Variants in ADGRF3 observed in about 807,000 individuals in gnomAD.
The protein encoded by ADGRF3 is G protein-coupled receptor 113.
Under a neutral mutation model 93.2 loss-of-function variants are expected in ADGRF3, and 85 were observed. The ratio of observed to expected loss-of-function variants is 0.91; its 90% CI spans 0.77 to 1.09. The LOEUF (loss-of-function observed/expected upper bound fraction) is 1.09. Among genes scored for constraint, ADGRF3 ranks in the 50% least tolerant of loss-of-function variants. ADGRF3 has a pLI of 0.00. For missense variants in ADGRF3, 1,125 were observed against 1,246.2 expected (o/e 0.90, Z 1.46); for synonymous variants, 534 against 532.5 (o/e 1.00, Z -0.04).
In ADGRF3 at chr2:26,311,606, T is replaced by TC. The variant is rs764327410; in HGVS notation, c.1917dup (p.Asn640GlufsTer344). ...ACACAGTGAGGGGAACCATCTGTGTTCCCAAAGTCCATGATGACCTCTCCC... is the reference window on the plus strand; with the variant it reads ...ACACAGTGAGGGGAACCATCTGTGTTCCCCAAAGTCCATGATGACCTCTCCC... On this transcript the variant is annotated frameshift_variant, in exon 10 of 14. Coordinates refer to ENST00000651242, the MANE Select transcript of ADGRF3 (RefSeq NM_001321971.2). LOFTEE classifies it high-confidence loss of function. 6.2e-7 allele frequency: 1 copy of TC among 1,613,630 alleles called. No individual in the cohort carries two copies. Among genetic ancestry groups the TC allele is most frequent in the Non-Finnish European group, 8.5e-7 (1 of 1,179,864 alleles).
intron 1 of ADGRF3, among the ~76,000 whole-genome samples, chr2:26,345,262 G>T (rs149390909): frequency 1.9e-4 from 28 of 150,776 alleles, no homozygotes; most frequent in Non-Finnish European, 3.6e-4. Flanking sequence ...TTTATTAGTA[G>T]ATACTCACTA....
intron 1 of ADGRF3, among the ~76,000 whole-genome samples, chr2:26,332,709 C>A (rs1212903003): frequency 1.3e-5 from 2 of 152,164 alleles, no homozygotes; most frequent in East Asian, 1.9e-4. Context: ...CACTGGTCTC[C>A]AGCCTGGACA....
At position 26,308,461 on chromosome 2, in the gene ADGRF3, T is replaced by C. The variant is rs886803037; in HGVS notation, c.*625A>G. On this transcript the variant is annotated 3_prime_UTR_variant, in exon 14 of 14. Coordinates refer to ENST00000651242, the MANE Select transcript of ADGRF3 (RefSeq NM_001321971.2). Reference sequence around the variant, plus strand: ...ATTTATATTAAACTTTAAATTTTTATAACCTATTCTTACAACGTGCTCATA... The same window carrying C: ...ATTTATATTAAACTTTAAATTTTTACAACCTATTCTTACAACGTGCTCATA... 1 of 152,170 alleles carries C rather than the reference T, an allele frequency of 6.6e-6. No individual in the cohort carries two copies. The highest frequency in any genetic ancestry group is 6.5e-5 in the Admixed American group (1 of 15,290). 9.4% of individuals were successfully genotyped at this position (152,170 alleles called of 1,614,324 possible).
intron 1 of ADGRF3, among the ~76,000 whole-genome samples, chr2:26,319,589 T>TC (rs1558391019): frequency 1.3e-4 from 8 of 59,422 alleles, no homozygotes; most frequent in Admixed American, 3.9e-4. Context: ...CTTCCTTCCT[T>TC]CCTTCCTTCC....
Position 26,310,773 on chromosome 2 carries a change from G to T in ADGRF3, c.2751C>A (p.Thr917=). Reference sequence around the variant, plus strand: ...ACAGAGTGGCCAGGCCCAGCCCCCAGGTGAGGCCAAAGATGGGTGTAAGAA... The same window carrying T: ...ACAGAGTGGCCAGGCCCAGCCCCCATGTGAGGCCAAAGATGGGTGTAAGAA... The part of the protein sequence containing the change: ...LLILTPIFGL[T]WGLGLATLLE... The change falls in exon 10 of 14, where the codon ACC becomes ACA. Residue 917 remains threonine, a synonymous_variant. Transcript: ENST00000651242. 2 of 1,613,618 alleles carry T rather than the reference G, an allele frequency of 1.2e-6. No individual in the cohort carries two copies. The highest frequency in any genetic ancestry group is 1.7e-6 in the Non-Finnish European group (2 of 1,179,702).
rs763945965 is a variant in ADGRF3, at chr2:26,311,268, C to T, written c.2256G>A (p.Leu752=). Residue 752 remains leucine, a synonymous_variant, in exon 10 of 14, where the codon CTG becomes CTA. Transcript: ENST00000651242. ...CGCCCAGGAAGCAAGTGTCTGCGGC[C>T]AGCAAGCAGAACACCATGTTGAGCA... ...AALLNMVFCL[L]AADTCFLGAP... is the part of the protein sequence containing the mutation. 6.2e-7 allele frequency: 1 copy of T among 1,613,416 alleles called. No individual in the cohort carries two copies.
intron 1 of ADGRF3, among the ~76,000 whole-genome samples, chr2:26,321,238 C>A (rs867223936): frequency 8.5e-5 from 13 of 152,100 alleles, no homozygotes; most frequent in African/African-American, 3.1e-4. Context: ...GGAGCAATCG[C>A]TCTTGTAAAT....
rs1673999640 is a variant in ADGRF3, at chr2:26,310,698, G to A, written c.2826C>T (p.Thr942=). ...VPHYIFTILN[T]LQGVFILLFG... ...CCACCCCCCTATCACCTACCTGGAGGGTGTTGAGAATGGTGAAGATGTAAT... is the reference window on the plus strand; with the variant it reads ...CCACCCCCCTATCACCTACCTGGAGAGTGTTGAGAATGGTGAAGATGTAAT... The change falls in exon 10 of 14, where the codon ACC becomes ACT. Residue 942 remains threonine (T), a synonymous_variant. Transcript: ENST00000651242. The A allele has an allele frequency of 1.2e-6, 2 of 1,610,524 alleles. No individual in the cohort carries two copies. The highest frequency in any genetic ancestry group is 1.3e-5 in the African/African-American group (1 of 74,944).
rs943445033 is a variant in ADGRF3, at chr2:26,343,417, AGATCTTAGGATCAAAT to A, written c.114+2688_114+2703del. Among the ~76,000 whole-genome samples, 5 of 151,808 alleles carry A rather than the reference AGATCTTAGGATCAAAT, an allele frequency of 3.3e-5. No individual in the cohort carries two copies. In the East Asian group the frequency reaches 9.9e-4, roughly 30 times the overall value. The stretch of plus-strand genomic sequence containing the variant: ...CTAATAGGTTCTAATGGATCGAATT[AGATCTTAGGATCAAAT>A]GATCTTTTTTTTTTTTATTTTTTTG... On this transcript the variant is annotated intron_variant, in intron 1 of 13. Coordinates refer to ENST00000651242, the MANE Select transcript of ADGRF3 (RefSeq NM_001321971.2).
intron 1 of ADGRF3, chr2:26,318,042 G>T (rs1274690717): frequency 6.4e-7 from 1 of 1,551,592 alleles, no homozygotes; most frequent in African/African-American, 1.4e-5. Flanking sequence ...GAGGGTGGAG[G>T]TCTGGGCCCA....
intron 1 of ADGRF3, among the ~76,000 whole-genome samples, chr2:26,320,701 T>C (rs972097347): frequency 6.6e-6 from 1 of 152,148 alleles, no homozygotes; most frequent in Non-Finnish European, 1.5e-5. Context: ...GGCAGAATTG[T>C]TTGTGATAGC....
At chr2:26,333,946 G>T (rs1012393427) in intron 1 of ADGRF3, among the ~76,000 whole-genome samples, 1 of 151,430 alleles carries the variant, frequency 6.6e-6, no homozygotes, top group Non-Finnish European at 1.5e-5. Context: ...TCAGCCTCCT[G>T]AGTACTGGGA....
At chr2:26,333,552 A>G (rs1275191967) in intron 1 of ADGRF3, among the ~76,000 whole-genome samples, 1 of 150,598 alleles carries the variant, frequency 6.6e-6, no homozygotes, top group Non-Finnish European at 1.5e-5. Flanking sequence ...TACATTTTGA[A>G]GACTCCTAAA....
chr2:26,341,827 G>T (rs199635745), intron 1 of ADGRF3, among the ~76,000 whole-genome samples: 2 of 151,876 alleles, frequency 1.3e-5, no homozygotes, highest in South Asian at 2.1e-4. Flanking sequence ...TAATCCCAGC[G>T]CTTTGGGAGG....
chr2:26,338,673 G>T (rs888091624), intron 1 of ADGRF3, among the ~76,000 whole-genome samples: 9 of 152,066 alleles, frequency 5.9e-5, no homozygotes, highest in African/African-American at 2.2e-4. Context: ...TGTTGGCCAG[G>T]CTGGTCTCAA....
intron 1 of ADGRF3, among the ~76,000 whole-genome samples, chr2:26,344,602 A>T (rs1402718470): frequency 6.6e-6 from 1 of 152,236 alleles, no homozygotes; most frequent in Non-Finnish European, 1.5e-5. Context: ...AGATGCAAAT[A>T]CTGCCCTCGA....
chr2:26,313,065 G>C lies in ADGRF3; in HGVS notation c.1327C>G (p.Leu443Val). Residue 443 changes from leucine to valine, a missense_variant, in exon 9 of 14, where the codon CTG becomes GTG. By Grantham distance (32) the Leu-to-Val change is conservative. Coordinates refer to ENST00000651242, the MANE Select transcript of ADGRF3 (RefSeq NM_001321971.2). ...CTTGCCTCTGCCGCCTGCCCTGGCA[G>C]CTGTGCCAGGATCTGTGGCACCTCC... ...AEEVPQILAQ[L>V]PGQAAEASSP... is the part of the protein sequence containing the mutation. 1 of 1,614,044 alleles carries C rather than the reference G, an allele frequency of 6.2e-7. No individual in the cohort carries two copies.
chr2:26,312,131 G>A (rs546671211), intron 9 of ADGRF3, 57 bp from the exon 10 acceptor site: 71 of 1,510,552 alleles, frequency 4.7e-5, no homozygotes, highest in Admixed American at 1.4e-4. Context: ...GGACTGAGCC[G>A]GGGGCAATGA....
At chr2:26,322,602 G>T (rs1675214685) in intron 1 of ADGRF3, among the ~76,000 whole-genome samples, 1 of 152,146 alleles carries the variant, frequency 6.6e-6, no homozygotes. Flanking sequence ...TCTAGAAAAA[G>T]ACTGGAGGGA....
Sources: allele counts gnomAD v4.1 joint callset (sites outside exome capture counted in the v4.1 genomes callset), GRCh38; gene constraint gnomAD v4.1.1; transcripts MANE v1.5; gene names NCBI Gene and HGNC (gene_info 2026-07-23, HGNC 2026-07-21).